The following VTI1A variants were observed in gnomAD, a reference collection of about 807,000 sequenced individuals.
VTI1A encodes the protein vesicle transport through interaction with t-SNAREs 1A, also known as vesicle transport through interaction with t-SNAREs homolog 1A.
Under a neutral mutation model 34.9 loss-of-function variants are expected in VTI1A, and 22 were observed. The ratio of observed to expected loss-of-function variants is 0.63; its 90% confidence interval spans 0.45 to 0.90. The LOEUF (loss-of-function observed/expected upper bound fraction) is 0.90. VTI1A is among the 40% of genes least tolerant of loss of function. The pLI, the probability that VTI1A is intolerant of heterozygous loss-of-function variation, is 0.00. For synonymous variants in VTI1A, 87 were observed against 97.3 expected (o/e 0.89, Z 0.62); for missense variants, 268 against 275.6 (o/e 0.97, Z 0.20).
intron 7 of VTI1A, among the ~76,000 whole-genome samples, chr10:112,760,695 G>A (rs181084714): frequency 1.3e-5 from 2 of 151,984 alleles, no homozygotes; most frequent in Non-Finnish European, 2.9e-5. Flanking sequence ...TCGAGACCAG[G>A]CTGGCCAACA....
intron 5 of VTI1A, among the ~76,000 whole-genome samples, chr10:112,651,046 G>T (rs890746882): frequency 1.3e-5 from 2 of 151,946 alleles, no homozygotes; most frequent in African/African-American, 2.4e-5. Flanking sequence ...TTCTCTTCCT[G>T]TTGAGCAATT....
At chr10:112,579,450 G>T (rs191551444) in intron 5 of VTI1A, among the ~76,000 whole-genome samples, 2 of 152,062 alleles carry the variant, frequency 1.3e-5, no homozygotes, top group Non-Finnish European at 2.9e-5. Flanking sequence ...ACCTGTAATC[G>T]CAGCACTTTA....
intron 7 of VTI1A, among the ~76,000 whole-genome samples, chr10:112,754,647 G>A (rs1204760302): frequency 6.6e-6 from 1 of 152,316 alleles, no homozygotes; most frequent in African/African-American, 2.4e-5. Flanking sequence ...TAACATGGAA[G>A]AACTGAGGCT....
intron 5 of VTI1A, among the ~76,000 whole-genome samples, chr10:112,585,367 C>T (rs185077645): frequency 9.2e-5 from 14 of 152,252 alleles, no homozygotes; most frequent in African/African-American, 3.4e-4. Flanking sequence ...TTTTGCTGCT[C>T]AGAACAGCTA....
At chr10:112,482,975 G>A (rs1848502233) in intron 3 of VTI1A, among the ~76,000 whole-genome samples, 1 of 152,128 alleles carries the variant, frequency 6.6e-6, no homozygotes, top group Non-Finnish European at 1.5e-5. Context: ...AGTGACAAGA[G>A]GCACAGACAG....
At chr10:112,707,948 G>C (rs1486994328) in intron 7 of VTI1A, among the ~76,000 whole-genome samples, 1 of 152,182 alleles carries the variant, frequency 6.6e-6, no homozygotes, top group Non-Finnish European at 1.5e-5. Flanking sequence ...AGCAGCTGCA[G>C]TCCTGGTTGC....
At chr10:112,638,219 C>T (rs1222110147) in intron 5 of VTI1A, among the ~76,000 whole-genome samples, 2 of 152,128 alleles carry the variant, frequency 1.3e-5, no homozygotes, top group Non-Finnish European at 2.9e-5. Context: ...ATTGAAAATG[C>T]CTCATAGTAA....
At chr10:112,566,851 G>C (rs1175494513) in intron 5 of VTI1A, among the ~76,000 whole-genome samples, 1 of 152,092 alleles carries the variant, frequency 6.6e-6, no homozygotes, top group Non-Finnish European at 1.5e-5. Flanking sequence ...ATATTTGTCA[G>C]CCAGTTATGT....
chr10:112,578,164 G>A (rs1317645990), intron 5 of VTI1A, among the ~76,000 whole-genome samples: 1 of 152,204 alleles, frequency 6.6e-6, no homozygotes, highest in African/African-American at 2.4e-5. Context: ...CCTAAGGAAA[G>A]CATTTCAGAC....
At chr10:112,608,665 TGAGGTCA>T (rs1845180609) in intron 5 of VTI1A, among the ~76,000 whole-genome samples, 1 of 152,178 alleles carries the variant, frequency 6.6e-6, no homozygotes, top group African/African-American at 2.4e-5. Context: ...CTTGTTATTC[TGAGGTCA>T]GAGCCTACCA....
chr10:112,803,918 T>C (rs939718518), intron 7 of VTI1A, among the ~76,000 whole-genome samples: 1 of 152,222 alleles, frequency 6.6e-6, no homozygotes, highest in Non-Finnish European at 1.5e-5. Context: ...AGCCCTTTGA[T>C]TGAAGTGAGC....
chr10:112,534,113 A>G (rs900701762), intron 4 of VTI1A, among the ~76,000 whole-genome samples: 4 of 152,064 alleles, frequency 2.6e-5, no homozygotes, highest in Admixed American at 6.6e-5. Flanking sequence ...TCATTGTTAA[A>G]CACTTTGCTT....
intron 7 of VTI1A, among the ~76,000 whole-genome samples, chr10:112,749,885 G>A (rs1216012846): frequency 1.3e-5 from 2 of 152,182 alleles, no homozygotes; most frequent in Non-Finnish European, 2.9e-5. Flanking sequence ...GGTCGATGCA[G>A]TAGCATACTA....
intron 3 of VTI1A, among the ~76,000 whole-genome samples, chr10:112,503,747 T>G (rs1250683700): frequency 6.6e-6 from 1 of 152,206 alleles, no homozygotes; most frequent in African/African-American, 2.4e-5. Flanking sequence ...CTTGTTGCTA[T>G]CTACGTGAAA....
rs540140625 is a variant in VTI1A at position 112,711,526 on chromosome 10, C to A, written c.560+42528C>A. On this transcript the variant is annotated intron_variant, in intron 7 of 7. Coordinates refer to ENST00000393077, the MANE Select transcript of VTI1A (RefSeq NM_145206.4). ...TATTGGTAAATGACTCCCACATGCG[C>A]TGTCCCCGGGCCTGGTGAGCTTCAG... 4.6e-5 allele frequency among the ~76,000 whole-genome samples: 7 copies of A among 152,318 alleles called. No homozygotes were observed. The East Asian group carries it at 1.2e-3, about 25-fold the overall frequency.
At chr10:112,483,762 C>T (rs978030545) in intron 3 of VTI1A, among the ~76,000 whole-genome samples, 36 of 128,652 alleles carry the variant, frequency 2.8e-4, no homozygotes, top group African/African-American at 1.1e-3. Flanking sequence ...TCTAGAATGA[C>T]GTTGATGGGG....
intron 7 of VTI1A, among the ~76,000 whole-genome samples, chr10:112,673,303 G>A (rs1847914502): frequency 6.8e-6 from 1 of 146,648 alleles, no homozygotes; most frequent in Non-Finnish European, 1.5e-5. Flanking sequence ...GTGACAGAGT[G>A]AGACTCCATC....
chr10:112,593,598 A>T (rs924534811), intron 5 of VTI1A, among the ~76,000 whole-genome samples: 2 of 152,226 alleles, frequency 1.3e-5, no homozygotes, highest in Non-Finnish European at 2.9e-5. Flanking sequence ...GCACACAGAA[A>T]AAAATCAAAA....
intron 7 of VTI1A, among the ~76,000 whole-genome samples, chr10:112,711,139 A>G (rs1351817933): frequency 1.3e-5 from 2 of 152,244 alleles, no homozygotes; most frequent in Non-Finnish European, 2.9e-5. Flanking sequence ...GAAAAAATCA[A>G]TGAGTTAATG....
Sources: gnomAD v4.1 joint callset for allele counts (sites outside exome capture counted in the v4.1 genomes callset) on GRCh38, gnomAD v4.1.1 for gene constraint, MANE v1.5 for transcripts, NCBI Gene and HGNC (gene_info 2026-07-23, HGNC 2026-07-21) for gene names.